The following COL9A1 variants were observed in gnomAD, a reference collection of about 807,000 sequenced individuals.
COL9A1 encodes the protein collagen type IX alpha 1 chain.
In COL9A1, 104 loss-of-function variants were observed where a neutral mutation model predicts 142.6. That is an observed-to-expected ratio of 0.73 (90% CI 0.62 to 0.86). The LOEUF (loss-of-function observed/expected upper bound fraction) is 0.86, where lower values mean the gene tolerates loss of function less well. Among genes scored for constraint, COL9A1 ranks in the 40% least tolerant of loss-of-function variants. The pLI is 0.00. For missense variants in COL9A1, 1,210 were observed against 1,176.6 expected (o/e 1.03, Z -0.42); for synonymous variants, 466 against 396.0 (o/e 1.18, Z -2.10).
intron 6 of COL9A1, 107 bp from the exon 7 acceptor site, chr6:70,283,025 C>T (rs1407259819): frequency 6.2e-7 from 1 of 1,610,164 alleles, no homozygotes; most frequent in Admixed American, 1.7e-5. Flanking sequence ...AGCCCCAGGG[C>T]CCCGCGGTCC....
chr6:70,254,676 G>A, intron 24 of COL9A1, 147 bp from the exon 25 acceptor site: 1 of 731,874 alleles, frequency 1.4e-6, no homozygotes, highest in Non-Finnish European at 2.4e-6. Flanking sequence ...TTAATTTAGG[G>A]TGGGGGAGTA....
At chr6:70,280,489 C>T (rs1243664368) in intron 10 of COL9A1, 1 of 1,314,682 alleles carries the variant, frequency 7.6e-7, no homozygotes, top group Admixed American at 3.4e-5. Context: ...CCATCCGTAC[C>T]CCCTCTGGCC....
rs182870269 is a variant in COL9A1 at position 70,251,767 on chromosome 6, G to T, written c.1872+353C>A. ...TGGAAATATTCTAAACTTGATTGGGGTGATGGTTGCACAATTCCATCAATA... is the reference window on the plus strand; with the variant it reads ...TGGAAATATTCTAAACTTGATTGGGTTGATGGTTGCACAATTCCATCAATA... On this transcript the variant is annotated intron_variant, in intron 28 of 37. Coordinates refer to ENST00000357250, the MANE Select transcript of COL9A1 (RefSeq NM_001851.6). 8.6e-3 allele frequency among the ~76,000 whole-genome samples: 1,311 copies of T among 152,234 alleles called. 8 individuals are homozygous for T. The highest frequency in any genetic ancestry group is 0.024 in the Middle Eastern group (7 of 294).
intron 36 of COL9A1, among the ~76,000 whole-genome samples, chr6:70,229,938 A>C (rs905765488): frequency 6.6e-6 from 1 of 152,214 alleles, no homozygotes; most frequent in Admixed American, 6.5e-5. Flanking sequence ...ACAGTGACTA[A>C]GACATAGGCT....
chr6:70,262,694 G>T (rs918276164), intron 19 of COL9A1, among the ~76,000 whole-genome samples: 4 of 152,184 alleles, frequency 2.6e-5, no homozygotes, highest in Admixed American at 2.6e-4. Context: ...AACAACATTT[G>T]AAATTGAAGT....
intron 35 of COL9A1, among the ~76,000 whole-genome samples, chr6:70,234,248 G>C (rs1334786553): frequency 6.7e-6 from 1 of 150,224 alleles, no homozygotes; most frequent in East Asian, 1.9e-4. Context: ...GTGTGTGTGT[G>C]TGTGTGTGTG....
chr6:70,254,572 T>C (rs1771150436), intron 24 of COL9A1, 43 bp from the exon 25 acceptor site: 1 of 1,588,470 alleles, frequency 6.3e-7, no homozygotes. Context: ...CTGTATGAGC[T>C]GCTGTATTTC....
Position 70,294,438 on chromosome 6 carries a change from A to C in COL9A1, c.425T>G (p.Val142Gly), listed in dbSNP as rs1773775158. The C allele has an allele frequency of 6.2e-7, 1 of 1,614,156 alleles. No homozygotes were observed. Among genetic ancestry groups the C allele is most frequent in the East Asian group, 2.2e-5 (1 of 44,880 alleles). ...TGTTTGGCCATTAATCTTTATGCCA[A>C]CTTGCTCCTTCCCAGAGGAATCCTG... ...QIQDSSGKEQ[V>G]GIKINGQTQS... is the part of the protein sequence containing the mutation. Residue 142 changes from valine (V) to glycine (G), a missense_variant, in exon 5 of 38, where the codon GTT becomes GGT. Coordinates refer to ENST00000357250, the MANE Select transcript of COL9A1 (RefSeq NM_001851.6).
At chr6:70,270,665 G>A (rs189489679) in intron 14 of COL9A1, among the ~76,000 whole-genome samples, 67 of 152,266 alleles carry the variant, frequency 4.4e-4, no homozygotes, top group African/African-American at 1.5e-3. Flanking sequence ...AAGCAAATTG[G>A]AAACACTACT....
intron 37 of COL9A1, among the ~76,000 whole-genome samples, chr6:70,223,435 A>G (rs1447010546): frequency 6.6e-6 from 1 of 152,220 alleles, no homozygotes; most frequent in Non-Finnish European, 1.5e-5. Flanking sequence ...TAAAATGCCC[A>G]ATATCATAAA....
chr6:70,251,313 G>A (rs1310197155), intron 28 of COL9A1, among the ~76,000 whole-genome samples: 1 of 152,124 alleles, frequency 6.6e-6, no homozygotes, highest in Non-Finnish European at 1.5e-5. Context: ...GGGAAGCTGA[G>A]GCAGAAGGAT....
At chr6:70,300,927 T>A (rs926089851) in intron 2 of COL9A1, among the ~76,000 whole-genome samples, 3 of 152,128 alleles carry the variant, frequency 2.0e-5, no homozygotes, top group East Asian at 3.8e-4. Flanking sequence ...TTGTCAGATA[T>A]AGGGGCCTGG....
chr6:70,285,327 T>G (rs1432184064), intron 5 of COL9A1, among the ~76,000 whole-genome samples: 1 of 152,232 alleles, frequency 6.6e-6, no homozygotes, highest in East Asian at 1.9e-4. Context: ...ACGCTAATAA[T>G]CATCTATACA....
In COL9A1 at chr6:70,254,363, A is replaced by G. The variant is rs537617575; in HGVS notation, c.1719+113T>C. The G allele has an allele frequency of 5.4e-5, 49 of 900,328 alleles. 1 individual carries two copies. The Admixed American group carries it at 1.1e-3, about 21-fold the overall frequency. The allele number at this position is 900,328 out of a possible 1,614,324, so 55.8% of individuals were successfully genotyped here. A position where few individuals can be genotyped will look rare whatever the true frequency, so the allele number is the denominator to read the frequency against. ...GTAAATTGTAAAAATGTAAAAGTAA[A>G]ACATCATATCTTCCCCAGAACTTAT... On this transcript the variant is annotated intron_variant, in intron 25 of 37. Coordinates refer to ENST00000357250, the MANE Select transcript of COL9A1 (RefSeq NM_001851.6).
Position 70,294,211 on chromosome 6 carries a change from C to A in COL9A1, c.652G>T (p.Ala218Ser). Residue 218 changes from alanine (A) to serine (S), a missense_variant, in exon 5 of 38, where the codon GCT (alanine) becomes TCT (serine). Transcript: ENST00000357250. ...TTATCTGCAAGTTTTCCCAGCACAG[C>A]AAAGCCATCAATGTCAATTGGGCCT... ...PRGPIDIDGF[A>S]VLGKLADNPQ... The A allele has an allele frequency of 3.1e-6, 5 of 1,614,076 alleles. No individual in the cohort carries two copies. Among genetic ancestry groups the A allele is most frequent in the Non-Finnish European group, 4.2e-6 (5 of 1,179,966 alleles).
chr6:70,302,706 C>T (rs1006412580), intron 1 of COL9A1, among the ~76,000 whole-genome samples: 1 of 152,028 alleles, frequency 6.6e-6, no homozygotes, highest in Non-Finnish European at 1.5e-5. Context: ...TCTCTCCCTT[C>T]CTCTGTCTGT....
At position 70,227,711 on chromosome 6, in the gene COL9A1, C is replaced by T. The variant is rs190205308; in HGVS notation, c.2504-1702G>A. Among the ~76,000 whole-genome samples the T allele has an allele frequency of 8.3e-4, 127 of 152,162 alleles. 2 individuals are homozygous for T. Among genetic ancestry groups the T allele is most frequent in the Non-Finnish European group, 4.6e-4 (31 of 67,966 alleles). On this transcript the variant is annotated intron_variant, in intron 36 of 37. Coordinates refer to ENST00000357250, the MANE Select transcript of COL9A1 (RefSeq NM_001851.6). ...TATGTACAATGTTGTTCACTGCAGC[C>T]TTGCCATAATAGCAGAAGGTTGGAA...
At chr6:70,247,074 C>T (rs1470671107) in intron 28 of COL9A1, among the ~76,000 whole-genome samples, 1 of 152,180 alleles carries the variant, frequency 6.6e-6, no homozygotes. Flanking sequence ...TCGGCCAAAA[C>T]ATTTTTAACC....
intron 19 of COL9A1, 183 bp from the exon 20 acceptor site, chr6:70,260,893 T>C (rs1480059221): frequency 3.6e-6 from 2 of 551,072 alleles, no homozygotes; most frequent in Middle Eastern, 4.7e-4. Flanking sequence ...ATTCTTCTGA[T>C]GGTAAACCTT....
Sources: gnomAD v4.1 joint callset for allele counts (sites outside exome capture counted in the v4.1 genomes callset) on GRCh38, gnomAD v4.1.1 for gene constraint, MANE v1.5 for transcripts, NCBI Gene and HGNC (gene_info 2026-07-23, HGNC 2026-07-21) for gene names.